Variants in MICU1 observed in about 807,000 individuals in gnomAD.
MICU1 encodes the protein calcium uptake protein 1, mitochondrial.
MICU1 carries 45 observed loss-of-function variants against 56.8 expected under a neutral mutation model. The observed-to-expected ratio is 0.79, with a 90% CI of 0.62 to 1.02. The LOEUF is 1.02. Ranked by LOEUF, MICU1 falls within the 50% of genes least tolerant of loss-of-function variation. The pLI, the probability that MICU1 is intolerant of heterozygous loss-of-function variation, is 0.00. For missense variants in MICU1, 504 were observed against 587.1 expected (o/e 0.86, Z 1.46); for synonymous variants, 186 against 195.1 (o/e 0.95, Z 0.39).
intron 10 of MICU1, among the ~76,000 whole-genome samples, chr10:72,383,093 A>T (rs1862770534): frequency 6.6e-6 from 1 of 152,142 alleles, no homozygotes; most frequent in Non-Finnish European, 1.5e-5. Flanking sequence ...AATTTTAAAA[A>T]ACATTAGTTG....
chr10:72,617,534 C>T (rs1321166964), intron 1 of MICU1, among the ~76,000 whole-genome samples: 1 of 152,094 alleles, frequency 6.6e-6, no homozygotes, highest in East Asian at 1.9e-4. Flanking sequence ...GGCATGGGGG[C>T]TGACACCTGT....
At chr10:72,539,447 AC>A in intron 4 of MICU1, among the ~76,000 whole-genome samples, 1 of 152,354 alleles carries the variant, frequency 6.6e-6, no homozygotes, top group East Asian at 1.9e-4. Flanking sequence ...AACTTTGGAA[AC>A]TTTACAAAGA....
chr10:72,439,410 AAG>A (rs1376898277), intron 8 of MICU1, among the ~76,000 whole-genome samples: 1 of 152,220 alleles, frequency 6.6e-6, no homozygotes, highest in Non-Finnish European at 1.5e-5. Context: ...TCAAAATAAT[AAG>A]AGCTATTTAT....
intron 1 of MICU1, among the ~76,000 whole-genome samples, chr10:72,570,471 T>C (rs936037997): frequency 1.3e-5 from 2 of 152,230 alleles, no homozygotes; most frequent in African/African-American, 4.8e-5. Context: ...CATTTAAGTA[T>C]ACTCTAAGTT....
chr10:72,489,674 C>T (rs1866591193), intron 6 of MICU1, among the ~76,000 whole-genome samples: 1 of 152,182 alleles, frequency 6.6e-6, no homozygotes, highest in Non-Finnish European at 1.5e-5. Flanking sequence ...CCCCTCATTT[C>T]TAGTTCTGCT....
chr10:72,513,342 A>G (rs1867543211), intron 5 of MICU1, among the ~76,000 whole-genome samples: 1 of 152,166 alleles, frequency 6.6e-6, no homozygotes, highest in Admixed American at 6.6e-5. Context: ...CTTTTTGACC[A>G]TCTGTATATC....
chr10:72,516,966 C>T (rs983947041), intron 5 of MICU1, among the ~76,000 whole-genome samples: 3 of 152,116 alleles, frequency 2.0e-5, no homozygotes, highest in African/African-American at 7.2e-5. Context: ...GATTATGTAT[C>T]TATTTACCAA....
At chr10:72,416,652 C>T (rs774804684) in intron 9 of MICU1, among the ~76,000 whole-genome samples, 4 of 152,122 alleles carry the variant, frequency 2.6e-5, no homozygotes, top group East Asian at 1.9e-4. Flanking sequence ...GATAGGGCTA[C>T]GACAGGAAAC....
At chr10:72,569,237 A>ATAT in intron 1 of MICU1, among the ~76,000 whole-genome samples, 18 of 34,376 alleles carry the variant, frequency 5.2e-4, no homozygotes, top group East Asian at 2.8e-3. Context: ...ATATATATAT[A>ATAT]TTTTTTTTTT....
At chr10:72,585,754 T>C (rs976085220) in intron 1 of MICU1, among the ~76,000 whole-genome samples, 1 of 152,082 alleles carries the variant, frequency 6.6e-6, no homozygotes, top group African/African-American at 2.4e-5. Context: ...TTAACCAATA[T>C]AGTAATCCCT....
At chr10:72,468,803 A>G (rs1415240839) in intron 8 of MICU1, among the ~76,000 whole-genome samples, 1 of 152,230 alleles carries the variant, frequency 6.6e-6, no homozygotes, top group African/African-American at 2.4e-5. Flanking sequence ...AAGATTCTGA[A>G]GAAGGTAGAC....
chr10:72,424,232 C>A (rs1001550950), intron 8 of MICU1, among the ~76,000 whole-genome samples: 3 of 152,064 alleles, frequency 2.0e-5, no homozygotes, highest in Admixed American at 1.3e-4. Flanking sequence ...CCTGTCTCAG[C>A]CTCCCGAGTA....
rs541693817 is a variant in MICU1, at chr10:72,452,766, T to G, written c.933+22334A>C. Among the ~76,000 whole-genome samples the G allele has an allele frequency of 3.9e-4, 59 of 152,080 alleles. No homozygotes were observed. The South Asian group carries it at 0.011, about 30-fold the overall frequency. On this transcript the variant is annotated intron_variant, in intron 8 of 11. Coordinates refer to ENST00000361114, the MANE Select transcript of MICU1 (RefSeq NM_001195518.2). Reference sequence around the variant, plus strand: ...CCCCATCGCTAGGCAATGCATACTGTATTTGAAGCTATCTCATAAATAGGG... The same window carrying G: ...CCCCATCGCTAGGCAATGCATACTGGATTTGAAGCTATCTCATAAATAGGG...
intron 8 of MICU1, among the ~76,000 whole-genome samples, chr10:72,456,638 A>T (rs1352993760): frequency 6.6e-6 from 1 of 152,144 alleles, no homozygotes; most frequent in Non-Finnish European, 1.5e-5. Flanking sequence ...CTTAGAAACT[A>T]TGTGATATAA....
At chr10:72,536,070 G>A (rs1839624942) in intron 4 of MICU1, among the ~76,000 whole-genome samples, 1 of 152,014 alleles carries the variant, frequency 6.6e-6, no homozygotes, top group Admixed American at 6.6e-5. Context: ...TAGGGGAAAT[G>A]GGAGGGACTA....
intron 8 of MICU1, among the ~76,000 whole-genome samples, chr10:72,465,316 T>TG (rs941598402): frequency 2.7e-5 from 4 of 150,430 alleles, no homozygotes; most frequent in South Asian, 2.1e-4. Flanking sequence ...TTTGTTTTTT[T>TG]TTTTTTTTTT....
At chr10:72,508,826 A>G (rs148948014) in intron 5 of MICU1, among the ~76,000 whole-genome samples, 2 of 152,336 alleles carry the variant, frequency 1.3e-5, no homozygotes, top group African/African-American at 4.8e-5. Context: ...AGTGAATAGC[A>G]TCTCTGAAAT....
intron 6 of MICU1, among the ~76,000 whole-genome samples, chr10:72,506,318 T>C (rs572018112): frequency 6.6e-6 from 1 of 152,332 alleles, no homozygotes; most frequent in African/African-American, 2.4e-5. Flanking sequence ...GATATGAAGT[T>C]AACAGGACTA....
At chr10:72,390,252 C>T (rs1839835074) in intron 10 of MICU1, among the ~76,000 whole-genome samples, 1 of 152,256 alleles carries the variant, frequency 6.6e-6, no homozygotes, top group Non-Finnish European at 1.5e-5. Context: ...GGACTATGTT[C>T]TAATACAGTA....
Sources: gnomAD v4.1 joint callset for allele counts (sites outside exome capture counted in the v4.1 genomes callset) on GRCh38, gnomAD v4.1.1 for gene constraint, MANE v1.5 for transcripts, NCBI Gene and HGNC (gene_info 2026-07-23, HGNC 2026-07-21) for gene names.